Variants in RICTOR observed in about 807,000 individuals in gnomAD.
The protein encoded by RICTOR is RPTOR independent companion of MTOR complex 2, also known as rapamycin-insensitive companion of mTOR.
A neutral mutation model predicts 214.9 loss-of-function variants in RICTOR; 49 were observed. The ratio of observed to expected loss-of-function variants is 0.23; its 90% CI spans 0.18 to 0.29. The LOEUF is 0.29. RICTOR is among the 10% of genes least tolerant of loss of function. The probability of loss-of-function intolerance (pLI) is 1.00; values close to 1 mark genes in which losing one functional copy is unlikely to be tolerated. For synonymous variants in RICTOR, 717 were observed against 711.3 expected (o/e 1.01, Z -0.13); for missense variants, 1,625 against 2,047.0 (o/e 0.79, Z 3.98).
chr5:39,035,214 T>C (rs951607669), intron 2 of RICTOR, among the ~76,000 whole-genome samples: 2 of 152,070 alleles, frequency 1.3e-5, no homozygotes, highest in African/African-American at 4.8e-5. Flanking sequence ...GCAAACAGGG[T>C]CTGGAGTGGA....
intron 2 of RICTOR, among the ~76,000 whole-genome samples, chr5:39,048,966 T>A (rs1458252641): frequency 6.6e-6 from 1 of 152,092 alleles, no homozygotes; most frequent in Non-Finnish European, 1.5e-5. Context: ...GAAAAGCAGC[T>A]CTGGGTAACA....
At chr5:38,952,603 A>T (rs1280265903) in intron 29 of RICTOR, among the ~76,000 whole-genome samples, 178 bp from the exon 30 acceptor site, 1 of 152,012 alleles carries the variant, frequency 6.6e-6, no homozygotes, top group Non-Finnish European at 1.5e-5. Flanking sequence ...GCAGCAATAA[A>T]AAACAAGCAA....
intron 3 of RICTOR, among the ~76,000 whole-genome samples, chr5:39,004,394 T>C (rs531730820): frequency 1.3e-5 from 2 of 152,322 alleles, no homozygotes; most frequent in Admixed American, 1.3e-4. Context: ...CTCCACTATT[T>C]CAGTTGTGAA....
At position 38,981,911 on chromosome 5, in the gene RICTOR, G is replaced by A. The variant is rs990667473; in HGVS notation, c.709C>T (p.His237Tyr). The A allele has an allele frequency of 6.2e-7, 1 of 1,612,962 alleles. No homozygotes were observed. The highest frequency in any genetic ancestry group is 1.3e-5 in the African/African-American group (1 of 75,026). ...CGCACATACTGTCGAGTCTTTGGAT[G>A]ATTAAGAAGGTGCAAAATTGTAGTA... ...LITTILHLLN[H>Y]PKTRQYVRAD... The change falls in exon 8 of 38, where the codon CAT becomes TAT. Residue 237 changes from histidine (H) to tyrosine (Y), a missense_variant. Around this residue, in one of 5 missense-constraint regions of RICTOR, gnomAD observed 258 missense variants for 393.7 expected, o/e 0.66. Transcript: ENST00000357387.
In RICTOR at chr5:38,978,589, T is replaced by A. The variant is rs1240392500; in HGVS notation, c.815A>T (p.Gln272Leu). 1 of 1,543,724 alleles carries A rather than the reference T, an allele frequency of 6.5e-7. No individual in the cohort carries two copies. Among genetic ancestry groups the A allele is most frequent in the Non-Finnish European group, 8.9e-7 (1 of 1,123,060 alleles). ...AGGAACCAATGTTACTTACTTGAGC[T>A]GTCCTTCAGCTGTATCTGGACTATG... The part of the protein sequence containing the change: ...YRHSPDTAEG[Q>L]LKEDREARFL... Residue 272 changes from glutamine to leucine, a missense_variant, in exon 9 of 38, where the codon CAG becomes CTG. Coordinates refer to ENST00000357387, the MANE Select transcript of RICTOR (RefSeq NM_152756.5).
At chr5:38,973,661 C>A (rs1191991908) in intron 10 of RICTOR, among the ~76,000 whole-genome samples, 2 of 152,018 alleles carry the variant, frequency 1.3e-5, no homozygotes, top group South Asian at 2.1e-4. Flanking sequence ...AAATTCAAAT[C>A]GAAACATACT....
chr5:39,012,586 CACT>C (rs1422817409), intron 3 of RICTOR, among the ~76,000 whole-genome samples: 1 of 152,160 alleles, frequency 6.6e-6, no homozygotes, highest in African/African-American at 2.4e-5. Context: ...GCAGTTTCGT[CACT>C]ACTATTTTTG....
chr5:39,005,763 CTTCT>C (rs886526069), intron 3 of RICTOR, among the ~76,000 whole-genome samples: 1 of 152,160 alleles, frequency 6.6e-6, no homozygotes, highest in Non-Finnish European at 1.5e-5. Context: ...AAGGTTCAGC[CTTCT>C]TTCTGTTAAA....
chr5:38,956,413 C>T (rs1405330730), intron 25 of RICTOR, among the ~76,000 whole-genome samples: 2 of 151,994 alleles, frequency 1.3e-5, no homozygotes, highest in Non-Finnish European at 2.9e-5. Context: ...TTTACCATTC[C>T]AGCCTCATCT....
chr5:38,990,675 CAG>C (rs1561502050), intron 7 of RICTOR, among the ~76,000 whole-genome samples: 1 of 85,404 alleles, frequency 1.2e-5, no homozygotes, highest in African/African-American at 4.9e-5. Flanking sequence ...AGATATATAT[CAG>C]ATATATCATA....
chr5:39,035,157 G>A (rs1756580137), intron 2 of RICTOR, among the ~76,000 whole-genome samples: 1 of 152,158 alleles, frequency 6.6e-6, no homozygotes, highest in Non-Finnish European at 1.5e-5. Flanking sequence ...CAGCATTTGT[G>A]GTTCACCAAT....
intron 2 of RICTOR, among the ~76,000 whole-genome samples, chr5:39,052,759 T>C (rs1757939422): frequency 6.6e-6 from 1 of 152,216 alleles, no homozygotes; most frequent in Admixed American, 6.5e-5. Flanking sequence ...TTCTCGTACC[T>C]AGAGAGCCTC....
chr5:39,016,325 A>T (rs770078739), intron 3 of RICTOR, among the ~76,000 whole-genome samples: 4 of 142,788 alleles, frequency 2.8e-5, no homozygotes, highest in Admixed American at 7.0e-5. Context: ...GAGAGGGGGA[A>T]CAGAGAAGGG....
intron 2 of RICTOR, among the ~76,000 whole-genome samples, chr5:39,033,432 T>A (rs1756417912): frequency 6.6e-6 from 1 of 152,006 alleles, no homozygotes; most frequent in African/African-American, 2.4e-5. Context: ...CCTGGCTAAT[T>A]TTTGTATTTT....
At chr5:39,029,516 A>G (rs146293835) in intron 2 of RICTOR, among the ~76,000 whole-genome samples, 1 of 152,326 alleles carries the variant, frequency 6.6e-6, no homozygotes, top group African/African-American at 2.4e-5. Context: ...CCTGTCAATA[A>G]ATAACACAAC....
intron 2 of RICTOR, among the ~76,000 whole-genome samples, chr5:39,073,653 A>G (rs947149458): frequency 6.6e-6 from 1 of 152,178 alleles, no homozygotes; most frequent in Non-Finnish European, 1.5e-5. Context: ...GTCGGCAAGC[A>G]CCGAGCAGGT....
chr5:39,037,772 A>G (rs945305080), intron 2 of RICTOR, among the ~76,000 whole-genome samples: 4 of 152,216 alleles, frequency 2.6e-5, no homozygotes, highest in Admixed American at 2.0e-4. Context: ...AACCAGGAAG[A>G]AGTTGAATCC....
intron 2 of RICTOR, among the ~76,000 whole-genome samples, chr5:39,062,596 T>C (rs969192532): frequency 2.0e-5 from 3 of 152,112 alleles, no homozygotes; most frequent in African/African-American, 7.2e-5. Context: ...TTTTGAAGTA[T>C]GAAACTACTG....
At chr5:38,944,139 A>G (rs765005427) in intron 36 of RICTOR, 1 of 452,078 alleles carries the variant, frequency 2.2e-6, no homozygotes, top group Admixed American at 2.8e-5. Flanking sequence ...TTTAATAAAA[A>G]TAACTGTATT....
Sources: gnomAD v4.1 joint callset for allele counts (sites outside exome capture counted in the v4.1 genomes callset) on GRCh38, gnomAD v4.1.1 for gene constraint, gnomAD v4.1.1 regional missense constraint, MANE v1.5 for transcripts, NCBI Gene and HGNC (gene_info 2026-07-23, HGNC 2026-07-21) for gene names.